Variants in EXOC4 observed in about 807,000 individuals in gnomAD.
EXOC4 encodes the protein SEC8-like 1.
EXOC4 carries 71 observed loss-of-function variants against 107.2 expected under a neutral mutation model. The ratio of observed to expected loss-of-function variants is 0.66; its 90% CI spans 0.55 to 0.81. EXOC4 has a LOEUF of 0.81. EXOC4 is among the 30% of genes least tolerant of loss of function. The probability of loss-of-function intolerance (pLI) is 0.00; values close to 1 mark genes in which losing one functional copy is unlikely to be tolerated. For missense variants in EXOC4, 1,108 were observed against 1,189.6 expected (o/e 0.93, Z 1.01); for synonymous variants, 456 against 441.2 (o/e 1.03, Z -0.42).
chr7:134,040,629 G>A (rs1795492843), intron 17 of EXOC4, among the ~76,000 whole-genome samples: 2 of 152,182 alleles, frequency 1.3e-5, no homozygotes, highest in Admixed American at 6.5e-5. Context: ...CAATGGAATT[G>A]AAGAGCAATA....
chr7:133,593,299 G>A (rs1174401014), intron 9 of EXOC4, among the ~76,000 whole-genome samples: 1 of 152,204 alleles, frequency 6.6e-6, no homozygotes, highest in African/African-American at 2.4e-5. Flanking sequence ...CTGCTTCCTT[G>A]TTTTGGTTGT....
intron 10 of EXOC4, among the ~76,000 whole-genome samples, chr7:133,782,301 T>C (rs1310497770): frequency 6.6e-6 from 1 of 152,202 alleles, no homozygotes; most frequent in Non-Finnish European, 1.5e-5. Context: ...AGTAGCTAGA[T>C]ACTTGGGTCT....
intron 10 of EXOC4, among the ~76,000 whole-genome samples, chr7:133,786,591 C>A (rs371258274): frequency 6.6e-6 from 1 of 152,234 alleles, no homozygotes; most frequent in Non-Finnish European, 1.5e-5. Context: ...AAAGCATGTT[C>A]AGTACCTGAG....
chr7:133,427,365 C>T (rs372847115), intron 7 of EXOC4, among the ~76,000 whole-genome samples: 19 of 152,158 alleles, frequency 1.2e-4, no homozygotes, highest in East Asian at 7.7e-4. Context: ...CACCTCTATA[C>T]GTTTTCATCA....
the EXOC4 span, among the ~76,000 whole-genome samples, chr7:134,086,442 G>A: frequency 4.6e-5 from 7 of 152,104 alleles, no homozygotes; most frequent in Non-Finnish European, 5.9e-5. Context: ...AAGTATGTAG[G>A]GGAGCAAACA....
intron 7 of EXOC4, among the ~76,000 whole-genome samples, chr7:133,440,448 C>T (rs149562969): frequency 5.3e-5 from 8 of 150,800 alleles, no homozygotes; most frequent in Non-Finnish European, 1.0e-4. Flanking sequence ...CATCAGTGTT[C>T]ATGATGTGAC....
At chr7:133,438,636 T>C (rs1007622901) in intron 7 of EXOC4, among the ~76,000 whole-genome samples, 2 of 152,126 alleles carry the variant, frequency 1.3e-5, no homozygotes, top group African/African-American at 4.8e-5. Flanking sequence ...GAGCCAAACA[T>C]CCCAAGTTTT....
At chr7:133,588,995 A>G (rs1801478181) in intron 9 of EXOC4, among the ~76,000 whole-genome samples, 1 of 152,004 alleles carries the variant, frequency 6.6e-6, no homozygotes, top group African/African-American at 2.4e-5. Flanking sequence ...TACACACACA[A>G]AGGGGACTTC....
At chr7:133,505,592 C>G (rs559697840) in intron 9 of EXOC4, among the ~76,000 whole-genome samples, 1 of 152,116 alleles carries the variant, frequency 6.6e-6, no homozygotes, top group South Asian at 2.1e-4. Context: ...TTATATGAAC[C>G]TTCTGTGAGG....
chr7:133,459,851 G>A (rs368098359), intron 7 of EXOC4, among the ~76,000 whole-genome samples: 1 of 152,120 alleles, frequency 6.6e-6, no homozygotes, highest in Non-Finnish European at 1.5e-5. Flanking sequence ...GCATATGATT[G>A]TGCTATTAAA....
intron 3 of EXOC4, among the ~76,000 whole-genome samples, chr7:133,299,803 G>A (rs1040476977): frequency 1.3e-5 from 2 of 152,082 alleles, no homozygotes; most frequent in African/African-American, 4.8e-5. Flanking sequence ...CTCCCTGGCA[G>A]TCTATTGCAT....
At chr7:133,904,769 A>G (rs1799530885) in intron 12 of EXOC4, among the ~76,000 whole-genome samples, 2 of 152,212 alleles carry the variant, frequency 1.3e-5, no homozygotes, top group Admixed American at 1.3e-4. Flanking sequence ...GGCACAACAC[A>G]TGCCCCCACG....
intron 10 of EXOC4, among the ~76,000 whole-genome samples, chr7:133,815,548 C>T (rs929527660): frequency 6.6e-6 from 1 of 152,114 alleles, no homozygotes; most frequent in African/African-American, 2.4e-5. Context: ...GCAGTGCTTG[C>T]CGCTGTCTTA....
chr7:133,748,428 G>A (rs569800766), intron 10 of EXOC4, among the ~76,000 whole-genome samples: 1 of 152,222 alleles, frequency 6.6e-6, no homozygotes, highest in African/African-American at 2.4e-5. Context: ...TGAGCCCCAG[G>A]GATGAGAGGA....
At chr7:133,731,277 A>G (rs1476254487) in intron 10 of EXOC4, among the ~76,000 whole-genome samples, 4 of 152,170 alleles carry the variant, frequency 2.6e-5, no homozygotes, top group African/African-American at 9.7e-5. Flanking sequence ...CATGAACACC[A>G]TCTATCTCTA....
intron 14 of EXOC4, among the ~76,000 whole-genome samples, chr7:133,981,662 T>G (rs1213089183): frequency 3.9e-5 from 6 of 151,992 alleles, no homozygotes; most frequent in African/African-American, 1.4e-4. Flanking sequence ...GGAGTGTAAA[T>G]TAGTTCAACC....
chr7:133,940,962 TAAG>T (rs1800412250), intron 14 of EXOC4, among the ~76,000 whole-genome samples: 1 of 152,002 alleles, frequency 6.6e-6, no homozygotes, highest in South Asian at 2.1e-4. Flanking sequence ...TTATTAAGCT[TAAG>T]AAGCTATTGC....
chr7:133,556,152 CATA>C (rs1800686224), intron 9 of EXOC4, among the ~76,000 whole-genome samples: 1 of 152,178 alleles, frequency 6.6e-6, no homozygotes, highest in Non-Finnish European at 1.5e-5. Flanking sequence ...AATTCTTCTC[CATA>C]ATGAGTTTTG....
chr7:134,037,993 A>G (rs1795429820), intron 17 of EXOC4, among the ~76,000 whole-genome samples: 1 of 152,204 alleles, frequency 6.6e-6, no homozygotes. Context: ...ACAAGGTGCA[A>G]ACATAGATAA....
Sources: allele counts gnomAD v4.1 joint callset (sites outside exome capture counted in the v4.1 genomes callset), GRCh38; gene constraint gnomAD v4.1.1; transcripts MANE v1.5; gene names NCBI Gene and HGNC (gene_info 2026-07-23, HGNC 2026-07-21).